The following SPAG17 variants were observed in gnomAD, a reference collection of about 807,000 sequenced individuals.
SPAG17 encodes sperm-associated antigen 17.
In SPAG17, 169 loss-of-function variants were observed where a neutral mutation model predicts 273.6. The ratio of observed to expected loss-of-function variants is 0.62; its 90% confidence interval spans 0.55 to 0.70. The LOEUF (loss-of-function observed/expected upper bound fraction) is 0.70, where lower values mean the gene tolerates loss of function less well. SPAG17 is among the 30% of genes least tolerant of loss of function. The probability of loss-of-function intolerance (pLI) is 0.00; values close to 1 mark genes in which losing one functional copy is unlikely to be tolerated. For missense variants in SPAG17, 2,557 were observed against 2,627.8 expected, an observed-to-expected ratio of 0.97 and a Z score of 0.59; for synonymous variants, 825 against 873.2, an observed-to-expected ratio of 0.94 and a Z score of 0.97.
chr1:117,973,298 C>CA, intron 44 of SPAG17, 127 bp downstream of exon 44: 1 of 1,276,176 alleles, frequency 7.8e-7, no homozygotes, highest in Non-Finnish European at 1.1e-6. Flanking sequence ...TGGCCGGAAA[C>CA]TAATAACTTC....
chr1:118,069,495 T>G (rs1653352429), intron 17 of SPAG17, among the ~76,000 whole-genome samples: 1 of 152,154 alleles, frequency 6.6e-6, no homozygotes, highest in Non-Finnish European at 1.5e-5. Context: ...CTTGAGCACT[T>G]GAATGATGGT....
At chr1:118,015,723 C>T (rs570082444) in intron 29 of SPAG17, among the ~76,000 whole-genome samples, 3 of 152,136 alleles carry the variant, frequency 2.0e-5, no homozygotes, top group South Asian at 2.1e-4. Flanking sequence ...TTTGTTCTGA[C>T]GTGGTTGTGC....
intron 32 of SPAG17, among the ~76,000 whole-genome samples, chr1:118,000,831 T>C (rs1658194874): frequency 2.6e-5 from 4 of 152,180 alleles, no homozygotes; most frequent in Admixed American, 2.6e-4. Context: ...CTTGCCTGAT[T>C]GCCCTGGCCA....
chr1:118,126,194 T>TC (rs920463187), intron 3 of SPAG17, among the ~76,000 whole-genome samples: 25 of 145,870 alleles, frequency 1.7e-4, no homozygotes, highest in Admixed American at 7.0e-5. Flanking sequence ...TCTACTCAGA[T>TC]CCTTTATCCT....
At chr1:117,978,709 G>A (rs1655398518) in intron 43 of SPAG17, among the ~76,000 whole-genome samples, 1 of 152,010 alleles carries the variant, frequency 6.6e-6, no homozygotes, top group African/African-American at 2.4e-5. Context: ...AACTGCCCTT[G>A]TTAAGTTCAC....
intron 42 of SPAG17, among the ~76,000 whole-genome samples, chr1:117,983,127 AG>A (rs1251698532): frequency 6.6e-6 from 1 of 152,208 alleles, no homozygotes; most frequent in Non-Finnish European, 1.5e-5. Flanking sequence ...GTGGAAGGCA[AG>A]GAGAAGCAAG....
At chr1:118,016,248 A>T (rs1659968209) in intron 28 of SPAG17, 66 bp from the exon 29 acceptor site, 12 of 1,301,944 alleles carry the variant, frequency 9.2e-6, no homozygotes, top group Non-Finnish European at 1.3e-5. Context: ...TACATCATTC[A>T]CTATGTTTTG....
rs769373094 is a variant in SPAG17, at chr1:117,992,641, G to A, written c.5186C>T (p.Thr1729Ile). The change falls in exon 36 of 49, where the codon ACT becomes ATT. Residue 1729 changes from threonine to isoleucine, a missense_variant. Transcript: ENST00000336338. The stretch of plus-strand genomic sequence containing the variant: ...CTGAGTACCAAACGGAGGTCCTGGA[G>A]TTTTTTTCTGTTAACAAAACAAAGC... ...WETFPSVEKK[T>I]PGPPFGTQIW... The A allele has an allele frequency of 6.9e-6, 11 of 1,585,158 alleles. 1 individual carries two copies. The South Asian group carries it at 1.3e-4, about 18-fold the overall frequency.
Position 118,031,726 on chromosome 1 carries a change from T to A in SPAG17, c.3575A>T (p.Lys1192Ile). ...TTCTTCTTTTGGGTGTTCTTCTTCTTTAAGGGATTCTTTGGGTTTTTCTTT... is the reference window on the plus strand; with the variant it reads ...TTCTTCTTTTGGGTGTTCTTCTTCTATAAGGGATTCTTTGGGTTTTTCTTT... Reference protein sequence around the residue: ...KGKEKPKESLKEEEHPKEEEK... With the variant: ...KGKEKPKESLIEEEHPKEEEK... Residue 1192 changes from lysine (K) to isoleucine (I), a missense_variant, in exon 25 of 49, where the codon AAA becomes ATA. Coordinates refer to ENST00000336338, the MANE Select transcript of SPAG17 (RefSeq NM_206996.4). The A allele has an allele frequency of 6.2e-7, 1 of 1,613,884 alleles. No homozygotes were observed. The highest frequency in any genetic ancestry group is 1.3e-5 in the African/African-American group (1 of 75,038).
chr1:118,039,830 C>T (rs1157764817), intron 22 of SPAG17, among the ~76,000 whole-genome samples: 2 of 152,038 alleles, frequency 1.3e-5, no homozygotes, highest in Non-Finnish European at 2.9e-5. Flanking sequence ...AGAGGAAATG[C>T]TTAGAGATGT....
chr1:118,001,173 G>A (rs773183278), intron 32 of SPAG17, among the ~76,000 whole-genome samples: 1 of 152,074 alleles, frequency 6.6e-6, no homozygotes, highest in Non-Finnish European at 1.5e-5. Context: ...GAATGAAGCC[G>A]ACCTGAACAT....
intron 47 of SPAG17, chr1:117,965,312 C>T (rs1030096868): frequency 6.6e-6 from 1 of 152,256 alleles, no homozygotes; most frequent in African/African-American, 2.4e-5. Flanking sequence ...TTTGTCTCCA[C>T]TGGCTCTTCT....
At chr1:117,958,904 TA>T in intron 48 of SPAG17, 1 of 1,612,956 alleles carries the variant, frequency 6.2e-7, no homozygotes, top group Non-Finnish European at 8.5e-7. Flanking sequence ...TTTGTTTTTC[TA>T]TCAGGATTCA....
chr1:118,135,452 T>A (rs1031867843), intron 3 of SPAG17, among the ~76,000 whole-genome samples: 2 of 151,416 alleles, frequency 1.3e-5, no homozygotes, highest in Non-Finnish European at 2.9e-5. Flanking sequence ...TGTTCAATTA[T>A]GGAGCAAAGC....
intron 3 of SPAG17, among the ~76,000 whole-genome samples, chr1:118,148,035 T>C (rs1659134725): frequency 6.6e-6 from 1 of 152,314 alleles, no homozygotes; most frequent in Admixed American, 6.5e-5. Flanking sequence ...TTTAAATGCA[T>C]GGCTGTTATA....
In SPAG17 at chr1:117,988,149, G is replaced by A. The variant is rs1237754306; in HGVS notation, c.5577C>T (p.Cys1859=). 64 of 1,607,696 alleles carry A rather than the reference G, an allele frequency of 4.0e-5. No individual in the cohort carries two copies. The highest frequency in any genetic ancestry group is 5.4e-5 in the Non-Finnish European group (64 of 1,178,314). ...AATCTTTACCAAATGTGTCTGGTGG[G>A]CATTTTGGAGGCGTAGCCAAAGACT... ...FKQSLATPPK[C]PPDTFGKDFF... Residue 1859 remains cysteine, a synonymous_variant, in exon 39 of 49, where the codon TGC becomes TGT. Coordinates refer to ENST00000336338, the MANE Select transcript of SPAG17 (RefSeq NM_206996.4).
rs75623319 is a variant in SPAG17, at chr1:118,026,532, T to C, written c.3731-1116A>G. Reference sequence around the variant, plus strand: ...AAACATTTATTGAGATATTTCTATATGTTAAATGCTTTATATATGTATCTT... The same window carrying C: ...AAACATTTATTGAGATATTTCTATACGTTAAATGCTTTATATATGTATCTT... On this transcript the variant is annotated intron_variant, in intron 26 of 48. Transcript: ENST00000336338. Among the ~76,000 whole-genome samples, 183 of 152,326 alleles carry C rather than the reference T, an allele frequency of 1.2e-3. 4 individuals carry two copies. The East Asian group carries it at 0.032, about 26-fold the overall frequency.
Position 118,031,694 on chromosome 1 carries a change from T to G in SPAG17, c.3607A>C (p.Lys1203Gln). The G allele has an allele frequency of 1.9e-6, 3 of 1,612,452 alleles. No homozygotes were observed. The highest frequency in any genetic ancestry group is 2.5e-6 in the Non-Finnish European group (3 of 1,179,504). Residue 1203 changes from lysine (K) to glutamine (Q), a missense_variant and splice_region_variant, in exon 25 of 49, where the codon AAG (lysine) becomes CAG (glutamine). Transcript: ENST00000336338. ...AATCTATGGCAAGGTTCATTTACCT[T>G]TTTCTCTTCTTCTTTTGGGTGTTCT... ...EEEHPKEEEK[K>Q]EEEVEPEPVL... is the part of the protein sequence containing the mutation.
intron 22 of SPAG17, among the ~76,000 whole-genome samples, chr1:118,040,247 C>T (rs182500516): frequency 5.8e-4 from 88 of 152,166 alleles, no homozygotes; most frequent in Non-Finnish European, 9.3e-4. Context: ...GAATTTACTA[C>T]GAATCACCTG....
Sources: allele counts gnomAD v4.1 joint callset (sites outside exome capture counted in the v4.1 genomes callset), GRCh38; gene constraint gnomAD v4.1.1; transcripts MANE v1.5; gene names NCBI Gene and HGNC (gene_info 2026-07-23, HGNC 2026-07-21).